TNPO3: variants seen among roughly 807,000 people sequenced by gnomAD.
TNPO3 encodes the protein transportin-3.
Under a neutral mutation model 122.8 loss-of-function variants are expected in TNPO3, and 65 were observed. That is an observed-to-expected ratio of 0.53 (90% CI 0.43 to 0.65). TNPO3 has a LOEUF of 0.65. Ranked by LOEUF, TNPO3 falls within the 30% of genes least tolerant of loss-of-function variation. TNPO3 has a pLI of 0.00. For missense variants in TNPO3, 850 were observed against 1,136.7 expected (o/e 0.75, Z 3.63); for synonymous variants, 372 against 411.2 (o/e 0.90, Z 1.15).
chr7:129,003,318 T>A (rs909931991), intron 5 of TNPO3, among the ~76,000 whole-genome samples: 1 of 146,354 alleles, frequency 6.8e-6, no homozygotes, highest in Non-Finnish European at 1.5e-5. Context: ...TTTTTTTTTT[T>A]AAGAGCTGTT....
At chr7:129,053,358 CAGGGCAGG>C in intron 1 of TNPO3, among the ~76,000 whole-genome samples, 1 of 149,130 alleles carries the variant, frequency 6.7e-6, no homozygotes, top group East Asian at 2.0e-4. Context: ...AGTCGGGTGT[CAGGGCAGG>C]CACCTGTAAT....
chr7:128,989,825 T>C (rs913075499), intron 11 of TNPO3, 136 bp downstream of exon 11: 41 of 921,174 alleles, frequency 4.5e-5, no homozygotes, highest in Non-Finnish European at 1.3e-5. Flanking sequence ...ACTTACAACA[T>C]ATTGTTTACT....
At chr7:128,970,427 T>TGTGC (rs1798346691) in intron 19 of TNPO3, 112 bp from the exon 20 acceptor site, 27 of 982,116 alleles carry the variant, frequency 2.7e-5, no homozygotes, top group Admixed American at 1.0e-4. Context: ...TGTGTGTGTG[T>TGTGC]GCACGCGTGG....
At chr7:129,027,809 G>C (rs944929182) in intron 1 of TNPO3, among the ~76,000 whole-genome samples, 14 of 151,960 alleles carry the variant, frequency 9.2e-5, no homozygotes. Context: ...CTCAAGACTG[G>C]GGAAATAAAA....
intron 11 of TNPO3, among the ~76,000 whole-genome samples, chr7:128,988,239 G>A (rs559234531): frequency 6.6e-6 from 1 of 152,236 alleles, no homozygotes; most frequent in Admixed American, 6.5e-5. Flanking sequence ...GCCTCCCAAA[G>A]TGCTGGGATT....
In TNPO3 at chr7:129,054,888, TCTC is replaced by T. The variant is rs1809305547; in HGVS notation, c.-121_-119del. 1 of 1,393,870 alleles carries T rather than the reference TCTC, an allele frequency of 7.2e-7. No individual in the cohort carries two copies. The highest frequency in any genetic ancestry group is 2.4e-5 in the East Asian group (1 of 41,982). The allele number at this position is 1,393,870 out of a possible 1,614,324, so 86.3% of individuals were successfully genotyped here. A position where few individuals can be genotyped will look rare whatever the true frequency, so the allele number is the denominator to read the frequency against. On this transcript the variant is annotated 5_prime_UTR_variant, in exon 1 of 23. Coordinates refer to ENST00000265388, the MANE Select transcript of TNPO3 (RefSeq NM_012470.4). The stretch of plus-strand genomic sequence containing the variant: ...CACGGCCGCTCCCTGACTGGCGCCA[TCTC>T]CTCCTCTTTGGCCGTTACCAGGGCA...
In TNPO3 at chr7:128,997,442, T is replaced by C. The variant is rs139019562; in HGVS notation, c.1105A>G (p.Ile369Val). The change falls in exon 8 of 23, where the codon ATT (isoleucine) becomes GTT (valine). Residue 369 changes from isoleucine to valine, a missense_variant. Ile to Val is a conservative substitution (Grantham distance 29). Coordinates refer to ENST00000265388, the MANE Select transcript of TNPO3 (RefSeq NM_012470.4). Reference sequence around the variant, plus strand: ...GCCAAGGCGTGAAGCAGCCTCTGAATGTAAGCTTTGAAGATGCCATGAATA... The same window carrying C: ...GCCAAGGCGTGAAGCAGCCTCTGAACGTAAGCTTTGAAGATGCCATGAATA... ...EVIHGIFKAY[I>V]QRLLHALARH... 1.6e-5 allele frequency: 26 copies of C among 1,614,128 alleles called. 1 individual carries two copies. The Middle Eastern group carries it at 4.9e-4, about 31-fold the overall frequency.
chr7:129,052,464 T>A (rs764672289), intron 1 of TNPO3, among the ~76,000 whole-genome samples: 14 of 152,244 alleles, frequency 9.2e-5, no homozygotes, highest in Non-Finnish European at 1.8e-4. Context: ...TATAATAGTA[T>A]CTTTATAAAA....
In TNPO3 at chr7:128,970,154, G is replaced by C; in HGVS notation, c.2592C>G (p.Asp864Glu). 6.2e-7 allele frequency: 1 copy of C among 1,614,124 alleles called. No individual in the cohort carries two copies. The highest frequency in any genetic ancestry group is 1.3e-5 in the African/African-American group (1 of 75,040). ...CTCATGAAAACAATCTTACCGGTCT[G>C]TCAACCTGCATGATCTCCCAGAGCA... ...AEVLWEIMQVDRPTFCRWLEN... is the reference protein window; with the variant it reads ...AEVLWEIMQVERPTFCRWLEN... Residue 864 changes from aspartate to glutamate, a missense_variant, in exon 20 of 23, where the codon GAC (aspartate) becomes GAG (glutamate). Asp to Glu is a conservative substitution (Grantham distance 45, BLOSUM62 2). Transcript: ENST00000265388.
intron 11 of TNPO3, 29 bp downstream of exon 11, chr7:128,989,932 A>C (rs1563095187): frequency 6.3e-7 from 1 of 1,599,104 alleles, no homozygotes; most frequent in Non-Finnish European, 8.6e-7. Flanking sequence ...GACAAGTTAG[A>C]AGTGGCAGAG....
chr7:129,050,199 T>C (rs150882068), intron 1 of TNPO3, among the ~76,000 whole-genome samples: 2,017 of 151,902 alleles, frequency 0.013, 37 homozygotes, highest in African/African-American at 0.043. Flanking sequence ...CTGGCTAACA[T>C]GGTGAAACCT....
intron 4 of TNPO3, among the ~76,000 whole-genome samples, chr7:129,012,703 A>G (rs1415522506): frequency 6.6e-6 from 1 of 152,240 alleles, no homozygotes; most frequent in Admixed American, 6.5e-5. Flanking sequence ...GACTATAAAG[A>G]CTTAAAAATG....
chr7:129,022,639 T>C lies in TNPO3; in HGVS notation c.121-4482A>G, dbSNP rs148463971. ...AGAAAAAGATAAAATAATTTGGACA[T>C]CTATATAAAAAGAGCAACTGATTTA... On this transcript the variant is annotated intron_variant, in intron 1 of 22. Transcript: ENST00000265388. Among the ~76,000 whole-genome samples, 429 of 152,062 alleles carry C rather than the reference T, an allele frequency of 2.8e-3. 3 individuals are homozygous for C. Among genetic ancestry groups the C allele is most frequent in the African/African-American group, 9.8e-3 (406 of 41,478 alleles).
rs888839479 is a variant in TNPO3 at position 129,033,920 on chromosome 7, A to G, written c.121-15763T>C. Among the ~76,000 whole-genome samples the G allele has an allele frequency of 3.3e-5, 5 of 152,176 alleles. No homozygotes were observed. The South Asian group carries it at 1.0e-3, about 32-fold the overall frequency. ...AGAGCTAAACTCAAAAAAAAAAAAA[A>G]AAAAAGATCTCAAACAGATAAGATA... On this transcript the variant is annotated intron_variant, in intron 1 of 22. Coordinates refer to ENST00000265388, the MANE Select transcript of TNPO3 (RefSeq NM_012470.4).
At chr7:129,030,766 A>G (rs1042502690) in intron 1 of TNPO3, among the ~76,000 whole-genome samples, 42 of 152,148 alleles carry the variant, frequency 2.8e-4, no homozygotes, top group African/African-American at 9.7e-4. Flanking sequence ...GTCACACATT[A>G]TATATGTTCC....
intron 14 of TNPO3, among the ~76,000 whole-genome samples, chr7:128,981,836 C>A (rs1799654853): frequency 6.6e-6 from 1 of 151,828 alleles, no homozygotes; most frequent in South Asian, 2.1e-4. Context: ...TCAAGTGATC[C>A]TCCCACCTCA....
intron 17 of TNPO3, 87 bp from the exon 18 acceptor site, chr7:128,975,049 C>A (rs1423639497): frequency 4.1e-6 from 4 of 977,724 alleles, no homozygotes; most frequent in South Asian, 1.4e-5. Flanking sequence ...ACAATAAGTA[C>A]AAAAGGAACA....
At chr7:129,004,212 C>T (rs562202119) in intron 5 of TNPO3, among the ~76,000 whole-genome samples, 1 of 152,304 alleles carries the variant, frequency 6.6e-6, no homozygotes, top group African/African-American at 2.4e-5. Context: ...AATCTAGCAT[C>T]ATGGTACTAT....
At chr7:128,986,160 T>A (rs981695135) in intron 12 of TNPO3, among the ~76,000 whole-genome samples, 20 of 152,314 alleles carry the variant, frequency 1.3e-4, no homozygotes, top group African/African-American at 4.6e-4. Flanking sequence ...TTCAAATATT[T>A]AAAAATAGCT....
Sources: gnomAD v4.1 joint callset for allele counts (sites outside exome capture counted in the v4.1 genomes callset) on GRCh38, gnomAD v4.1.1 for gene constraint, MANE v1.5 for transcripts, NCBI Gene and HGNC (gene_info 2026-07-23, HGNC 2026-07-21) for gene names.